The following PARS2 variants were observed in gnomAD, a reference collection of about 807,000 sequenced individuals.
PARS2 encodes the protein prolyl-tRNA synthetase 2, mitochondrial, also known as probable proline--tRNA ligase, mitochondrial.
Under a neutral mutation model 27.4 loss-of-function variants are expected in PARS2, and 20 were observed. That is an observed-to-expected ratio of 0.73 (90% CI 0.51 to 1.06). PARS2 has a LOEUF of 1.06. PARS2 is among the 50% of genes least tolerant of loss of function. The probability of loss-of-function intolerance (pLI) is 0.00; values close to 1 mark genes in which losing one functional copy is unlikely to be tolerated. For missense variants in PARS2, 585 were observed against 602.1 expected (o/e 0.97, Z 0.30); for synonymous variants, 240 against 247.1 (o/e 0.97, Z 0.27).
In PARS2 at chr1:54,757,385, C is replaced by A; in HGVS notation, c.*349G>T. The A allele has an allele frequency of 5.3e-6, 1 of 188,184 alleles. No individual in the cohort carries two copies. Among genetic ancestry groups the A allele is most frequent in the Non-Finnish European group, 1.1e-5 (1 of 92,054 alleles). 11.7% of individuals were successfully genotyped at this position (188,184 alleles called of 1,614,324 possible). A position where few individuals can be genotyped will look rare whatever the true frequency, so the allele number is the denominator to read the frequency against. The stretch of plus-strand genomic sequence containing the variant: ...AGCCATCAGCCATTCTCATCTTACA[C>A]GTGAAAAACTCAGCTGAGAGAAGGG... On this transcript the variant is annotated 3_prime_UTR_variant, in exon 2 of 2. Transcript: ENST00000371279.
At chr1:54,761,421 C>T (rs1162627521) in intron 1 of PARS2, among the ~76,000 whole-genome samples, 2 of 152,230 alleles carry the variant, frequency 1.3e-5, no homozygotes, top group Admixed American at 1.3e-4. Flanking sequence ...AAAATAATCA[C>T]ACATTTCTAA....
chr1:54,763,843 T>C (rs1646170284), intron 1 of PARS2, among the ~76,000 whole-genome samples: 1 of 152,196 alleles, frequency 6.6e-6, no homozygotes, highest in South Asian at 2.1e-4. Flanking sequence ...CCTAAAGCGT[T>C]TACAACCGTA....
In PARS2 at chr1:54,758,828, T is replaced by C. The variant is rs747105461; in HGVS notation, c.334A>G (p.Ile112Val). The C allele has an allele frequency of 6.2e-6, 10 of 1,614,230 alleles. No homozygotes were observed. Among genetic ancestry groups the C allele is most frequent in the East Asian group, 2.2e-5 (1 of 44,882 alleles). Residue 112 changes from isoleucine (I) to valine (V), a missense_variant, in exon 2 of 2, where the codon ATC (isoleucine) becomes GTC (valine). By Grantham distance (29) the Ile-to-Val change is conservative (BLOSUM62 3). Transcript: ENST00000371279. Reference sequence around the variant, plus strand: ...GGCATGTTGACTTTCTGGCCCCCGATGGCCTGCATCTCCTGGTCTATCACT... The same window carrying C: ...GGCATGTTGACTTTCTGGCCCCCGACGGCCTGCATCTCCTGGTCTATCACT... ...VRVIDQEMQA[I>V]GGQKVNMPSL...
At position 54,758,544 on chromosome 1, in the gene PARS2, C is replaced by A; in HGVS notation, c.618G>T (p.Met206Ile). ...FGLLRGREFY[M>I]KDMYTFDSSP... ...AGGAGTCAAAGGTGTACATATCCTTCATGTAAAACTCTCGGCCACGGAGAA... is the reference window on the plus strand; with the variant it reads ...AGGAGTCAAAGGTGTACATATCCTTAATGTAAAACTCTCGGCCACGGAGAA... The change falls in exon 2 of 2, where the codon ATG becomes ATT. Residue 206 changes from methionine (M) to isoleucine (I), a missense_variant. Coordinates refer to ENST00000371279, the MANE Select transcript of PARS2 (RefSeq NM_152268.4). 1 of 1,614,240 alleles carries A rather than the reference C, an allele frequency of 6.2e-7. No individual in the cohort carries two copies. The highest frequency in any genetic ancestry group is 8.5e-7 in the Non-Finnish European group (1 of 1,180,034).
rs1400377897 is a variant in PARS2, at chr1:54,758,539, T to C, written c.623A>G (p.Asp208Gly). The change falls in exon 2 of 2, where the codon GAT (aspartate) becomes GGT (glycine). Residue 208 changes from aspartate to glycine, a missense_variant. By Grantham distance (94) the Asp-to-Gly change is moderately conservative. Transcript: ENST00000371279. ...TGGGGAGGAGTCAAAGGTGTACATA[T>C]CCTTCATGTAAAACTCTCGGCCACG... is the stretch of plus-strand genomic sequence containing the variant. ...LLRGREFYMK[D>G]MYTFDSSPEA... is the part of the protein sequence containing the mutation. 6.2e-7 allele frequency: 1 copy of C among 1,613,986 alleles called. No individual in the cohort carries two copies. The highest frequency in any genetic ancestry group is 1.3e-5 in the African/African-American group (1 of 74,882).
intron 1 of PARS2, among the ~76,000 whole-genome samples, chr1:54,762,588 CA>C (rs1187651852): frequency 2.0e-5 from 3 of 152,224 alleles, no homozygotes; most frequent in Non-Finnish European, 4.4e-5. Flanking sequence ...AGAACCACTG[CA>C]GGGGTCTAGC....
In PARS2 at chr1:54,759,108, G is replaced by A. The variant is rs374449269; in HGVS notation, c.54C>T (p.Ser18=). The change falls in exon 2 of 2, where the codon AGC becomes AGT. Residue 18 remains serine, a synonymous_variant. Coordinates refer to ENST00000371279, the MANE Select transcript of PARS2 (RefSeq NM_152268.4). ...AAGGAACATACCCAGAGAGCTGGCG[G>A]CTGCAGGTGGCCAGGGCGGGCAATG... is the stretch of plus-strand genomic sequence containing the variant. ...CRALPALATC[S]RQLSGYVPCR... is the part of the protein sequence containing the mutation. The A allele has an allele frequency of 1.3e-5, 21 of 1,609,590 alleles. No individual in the cohort carries two copies. The highest frequency in any genetic ancestry group is 1.8e-5 in the Non-Finnish European group (21 of 1,177,062).
In PARS2 at chr1:54,757,717, G is replaced by C; in HGVS notation, c.*17C>G. ...ACACCAAGGCTGCAAATGGGGGCAG[G>C]GGTGGGCTGGGGGCATTTAGACAGT... On this transcript the variant is annotated 3_prime_UTR_variant, in exon 2 of 2. Coordinates refer to ENST00000371279, the MANE Select transcript of PARS2 (RefSeq NM_152268.4). 6.5e-7 allele frequency: 1 copy of C among 1,546,740 alleles called. No homozygotes were observed.
At chr1:54,762,137 T>G (rs1024789005) in intron 1 of PARS2, among the ~76,000 whole-genome samples, 1 of 70,750 alleles carries the variant, frequency 1.4e-5, no homozygotes, top group African/African-American at 5.5e-5. Context: ...GGAGGGCTTG[T>G]TTTTTTTTTT....
At position 54,758,544 on chromosome 1, in the gene PARS2, C is replaced by T. The variant is rs777294427; in HGVS notation, c.618G>A (p.Met206Ile). The change falls in exon 2 of 2, where the codon ATG becomes ATA. Residue 206 changes from methionine (M) to isoleucine (I), a missense_variant. Coordinates refer to ENST00000371279, the MANE Select transcript of PARS2 (RefSeq NM_152268.4). ...AGGAGTCAAAGGTGTACATATCCTTCATGTAAAACTCTCGGCCACGGAGAA... is the reference window on the plus strand; with the variant it reads ...AGGAGTCAAAGGTGTACATATCCTTTATGTAAAACTCTCGGCCACGGAGAA... ...FGLLRGREFY[M>I]KDMYTFDSSP... 1 of 1,614,240 alleles carries T rather than the reference C, an allele frequency of 6.2e-7. No individual in the cohort carries two copies. Among genetic ancestry groups the T allele is most frequent in the Non-Finnish European group, 8.5e-7 (1 of 1,180,034 alleles).
In PARS2 at chr1:54,758,031, A is replaced by AGGG; in HGVS notation, c.1128_1130dup (p.Pro377dup). On this transcript the variant is annotated inframe_insertion, in exon 2 of 2. Coordinates refer to ENST00000371279, the MANE Select transcript of PARS2 (RefSeq NM_152268.4). Reference sequence around the variant, plus strand: ...CCGCCTGCTCCTTACTGCCCTTCTTAGGGGGGATGAGGCAGGCTTGGTAAG... The same window carrying AGGG: ...CCGCCTGCTCCTTACTGCCCTTCTTAGGGGGGGGGATGAGGCAGGCTTGGTAAG... 6.2e-7 allele frequency: 1 copy of AGGG among 1,613,918 alleles called. No homozygotes were observed. Among genetic ancestry groups the AGGG allele is most frequent in the Non-Finnish European group, 8.5e-7 (1 of 1,179,950 alleles).
chr1:54,758,607 T>C lies in PARS2; in HGVS notation c.555A>G (p.Thr185=). The C allele has an allele frequency of 6.2e-7, 1 of 1,614,160 alleles. No homozygotes were observed. The highest frequency in any genetic ancestry group is 1.1e-5 in the South Asian group (1 of 91,076). The change falls in exon 2 of 2, where the codon ACA becomes ACG. Residue 185 remains threonine (T), a synonymous_variant. Transcript: ENST00000371279. ...GCCTGGGCTCATCCCGAAACTTCCT[T>C]GTCACTTGGTACAGCAGGAAGGGAA... ...KQLPFLLYQV[T]RKFRDEPRPR...
chr1:54,761,900 T>C (rs1646159209), intron 1 of PARS2, among the ~76,000 whole-genome samples: 1 of 152,244 alleles, frequency 6.6e-6, no homozygotes, highest in South Asian at 2.1e-4. Flanking sequence ...GATTCACCCC[T>C]GGCTCTATAA....
rs116816976 is a variant in PARS2 at position 54,759,100 on chromosome 1, A to C, written c.62T>G (p.Leu21Arg). The C allele has an allele frequency of 0.019, 29,871 of 1,612,160 alleles. 442 individuals are homozygous for C. Among genetic ancestry groups the C allele is most frequent in the Non-Finnish European group, 0.019 (22,531 of 1,178,536 alleles). Residue 21 changes from leucine (L) to arginine (R), a missense_variant, in exon 2 of 2, where the codon CTC (leucine) becomes CGC (arginine). By Grantham distance (102) the Leu-to-Arg change is moderately radical. Transcript: ENST00000371279. ...LPALATCSRQLSGYVPCRFHH... is the reference protein window; with the variant it reads ...LPALATCSRQRSGYVPCRFHH... ...AAACCTGCAAGGAACATACCCAGAG[A>C]GCTGGCGGCTGCAGGTGGCCAGGGC... is the stretch of plus-strand genomic sequence containing the variant.
chr1:54,759,195 G>A lies in PARS2; in HGVS notation c.-29-5C>T. 4.0e-6 allele frequency: 6 copies of A among 1,502,124 alleles called. No individual in the cohort carries two copies. Among genetic ancestry groups the A allele is most frequent in the Non-Finnish European group, 5.4e-6 (6 of 1,109,694 alleles). The allele number at this position is 1,502,124 out of a possible 1,614,324, so 93.0% of individuals were successfully genotyped here. ...GGCACCGGGAAGCACAGGCACCTGAGGAAAAATGAGTTGTGTGAGAATGAG... is the reference window on the plus strand; with the variant it reads ...GGCACCGGGAAGCACAGGCACCTGAAGAAAAATGAGTTGTGTGAGAATGAG... On this transcript the variant is annotated splice_region_variant and splice_polypyrimidine_tract_variant and intron_variant, in intron 1 of 1. Transcript: ENST00000371279.
At chr1:54,759,335 A>T (rs1264593009) in intron 1 of PARS2, 145 bp from the exon 2 acceptor site, 3 of 565,028 alleles carry the variant, frequency 5.3e-6, no homozygotes, top group Non-Finnish European at 9.4e-6. Flanking sequence ...ATCCTAGCAG[A>T]TCAAAGCACT....
intron 1 of PARS2, 141 bp from the exon 2 acceptor site, chr1:54,759,331 G>A (rs112003960): frequency 1.6e-5 from 9 of 567,436 alleles, no homozygotes; most frequent in African/African-American, 1.1e-4. Context: ...TAATATCCTA[G>A]CAGATCAAAG....
intron 1 of PARS2, among the ~76,000 whole-genome samples, chr1:54,760,993 T>C (rs377170592): frequency 2.0e-5 from 3 of 152,344 alleles, no homozygotes; most frequent in East Asian, 3.9e-4. Context: ...TTAGCCAGGA[T>C]GGTCTCGACC....
rs749950887 is a variant in PARS2 at position 54,758,765 on chromosome 1, G to A, written c.397C>T (p.Arg133Trp). 2.7e-5 allele frequency: 43 copies of A among 1,614,042 alleles called. No individual in the cohort carries two copies. The highest frequency in any genetic ancestry group is 3.1e-5 in the Non-Finnish European group (37 of 1,180,032). The stretch of plus-strand genomic sequence containing the variant: ...AGCTCTTTGCCCATCAAGTCCCACC[G>A]GTTGGTGGCTTGCCAGAGCTCTGCC... ...SPAELWQATN[R>W]WDLMGKELLR... is the part of the protein sequence containing the mutation. Residue 133 changes from arginine (R) to tryptophan (W), a missense_variant, in exon 2 of 2, where the codon CGG (arginine) becomes TGG (tryptophan). Physicochemically the swap from Arg to Trp is moderately radical, Grantham distance 101. Coordinates refer to ENST00000371279, the MANE Select transcript of PARS2 (RefSeq NM_152268.4).
Sources: gnomAD v4.1 joint callset for allele counts (sites outside exome capture counted in the v4.1 genomes callset) on GRCh38, gnomAD v4.1.1 for gene constraint, MANE v1.5 for transcripts, NCBI Gene and HGNC (gene_info 2026-07-23, HGNC 2026-07-21) for gene names.